NFX1: variants seen among roughly 807,000 people sequenced by gnomAD.
NFX1 encodes transcriptional repressor NF-X1.
In NFX1, 69 loss-of-function variants were observed where a neutral mutation model predicts 137.2. The ratio of observed to expected loss-of-function variants is 0.50; its 90% CI spans 0.41 to 0.61. The LOEUF is 0.61. NFX1 is among the 20% of genes least tolerant of loss of function. The pLI is 0.00. For missense variants in NFX1, 1,167 were observed against 1,391.0 expected (o/e 0.84, Z 2.56); for synonymous variants, 495 against 474.1 (o/e 1.04, Z -0.57).
At chr9:33,342,717 T>A in intron 12 of NFX1, 29 bp from the exon 13 acceptor site, 1 of 1,480,686 alleles carries the variant, frequency 6.8e-7, no homozygotes. Flanking sequence ...AAGACCATTT[T>A]ATGAACAAAT....
Position 33,367,628 on chromosome 9 carries a change from C to A in NFX1, c.3290+9C>A. ...AGACATCAGTCAGACAAGTAAGATT[C>A]TCCAGCTGCTTTCCAAGGGGACCTG... is the stretch of plus-strand genomic sequence containing the variant. On this transcript the variant is annotated intron_variant, in intron 23 of 23. Coordinates refer to ENST00000379540, the MANE Select transcript of NFX1 (RefSeq NM_002504.6). The A allele has an allele frequency of 6.2e-7, 1 of 1,612,570 alleles. No individual in the cohort carries two copies. Among genetic ancestry groups the A allele is most frequent in the South Asian group, 1.1e-5 (1 of 90,980 alleles).
At chr9:33,295,707 G>A (rs1281182468) in intron 2 of NFX1, among the ~76,000 whole-genome samples, 2 of 152,130 alleles carry the variant, frequency 1.3e-5, no homozygotes, top group Non-Finnish European at 1.5e-5. Flanking sequence ...ATGCAAATAC[G>A]GGTGGTGTAG....
intron 2 of NFX1, among the ~76,000 whole-genome samples, chr9:33,297,165 T>C (rs1299944184): frequency 6.6e-6 from 1 of 152,216 alleles, no homozygotes; most frequent in Non-Finnish European, 1.5e-5. Flanking sequence ...CGAAGACATC[T>C]ATCATTTTGC....
intron 19 of NFX1, among the ~76,000 whole-genome samples, chr9:33,355,467 G>T (rs1028519520): frequency 6.6e-6 from 1 of 151,950 alleles, no homozygotes; most frequent in Non-Finnish European, 1.5e-5. Flanking sequence ...TTTTTGTCTG[G>T]CTTCTTTCGT....
chr9:33,327,251 C>T (rs1485992860), intron 9 of NFX1, among the ~76,000 whole-genome samples: 1 of 152,194 alleles, frequency 6.6e-6, no homozygotes, highest in Non-Finnish European at 1.5e-5. Flanking sequence ...TCCCGAACTC[C>T]TAGGCTCAAG....
chr9:33,334,087 G>C (rs138759567), intron 11 of NFX1, among the ~76,000 whole-genome samples: 4 of 152,198 alleles, frequency 2.6e-5, no homozygotes, highest in Non-Finnish European at 5.9e-5. Flanking sequence ...AGAGGTTGCA[G>C]TGAACTGAGA....
intron 4 of NFX1, among the ~76,000 whole-genome samples, chr9:33,305,722 CT>C (rs1821728971): frequency 6.6e-6 from 1 of 152,152 alleles, no homozygotes; most frequent in East Asian, 1.9e-4. Context: ...AAGTTTCATG[CT>C]TTTGGAAATG....
At chr9:33,317,332 T>C (rs1200662211) in intron 7 of NFX1, among the ~76,000 whole-genome samples, 1 of 150,824 alleles carries the variant, frequency 6.6e-6, no homozygotes, top group African/African-American at 2.4e-5. Flanking sequence ...AGTGAGAACA[T>C]TGCTTGAGCC....
At chr9:33,301,838 A>G (rs1280029661) in intron 3 of NFX1, among the ~76,000 whole-genome samples, 2 of 152,220 alleles carry the variant, frequency 1.3e-5, no homozygotes, top group Non-Finnish European at 2.9e-5. Context: ...TTGGGAGGCC[A>G]AGGCAGGCGG....
intron 19 of NFX1, among the ~76,000 whole-genome samples, chr9:33,356,172 T>G (rs1587874261): frequency 1.3e-5 from 2 of 152,348 alleles, no homozygotes; most frequent in Middle Eastern, 3.4e-3. Context: ...TTAGCCATTT[T>G]GTAGATGTGT....
In NFX1 at chr9:33,363,263, G is replaced by GTATTATTATTAT. The variant is rs60988084; in HGVS notation, c.2874-721_2874-710dup. ...AATAAAAATAAAATAATAAAGAAAT[G>GTATTATTATTAT]TATTATTATTATTATTATTATTATT... is the stretch of plus-strand genomic sequence containing the variant. On this transcript the variant is annotated intron_variant, in intron 19 of 23. Transcript: ENST00000379540. Among the ~76,000 whole-genome samples the GTATTATTATTAT allele has an allele frequency of 4.3e-3, 629 of 144,820 alleles. 5 individuals are homozygous for GTATTATTATTAT. Among genetic ancestry groups the GTATTATTATTAT allele is most frequent in the East Asian group, 0.017 (87 of 4,988 alleles).
intron 14 of NFX1, among the ~76,000 whole-genome samples, chr9:33,345,054 C>T (rs777041406): frequency 6.6e-6 from 1 of 151,676 alleles, no homozygotes; most frequent in Non-Finnish European, 1.5e-5. Context: ...CTCAGCTACT[C>T]AGGAGGCTGA....
intron 5 of NFX1, among the ~76,000 whole-genome samples, chr9:33,308,935 C>T (rs886951214): frequency 6.6e-6 from 1 of 152,136 alleles, no homozygotes; most frequent in Non-Finnish European, 1.5e-5. Flanking sequence ...CTGGGCTAGA[C>T]AGCATGGCCT....
chr9:33,298,809 T>C (rs555778212), intron 2 of NFX1, among the ~76,000 whole-genome samples: 128 of 152,096 alleles, frequency 8.4e-4, no homozygotes, highest in Middle Eastern at 3.4e-3. Flanking sequence ...ATTAAGCTGC[T>C]GTGTGGAGAA....
intron 13 of NFX1, among the ~76,000 whole-genome samples, chr9:33,343,255 CT>C (rs1385242151): frequency 4.6e-5 from 7 of 152,050 alleles, no homozygotes; most frequent in Non-Finnish European, 8.8e-5. Context: ...TTGTATTTAT[CT>C]TTATCTACCA....
At chr9:33,362,923 C>T (rs1824046674) in intron 19 of NFX1, among the ~76,000 whole-genome samples, 2 of 151,760 alleles carry the variant, frequency 1.3e-5, no homozygotes, top group South Asian at 2.1e-4. Context: ...AGGCTGGTCT[C>T]GAGCTCCCAG....
chr9:33,337,449 T>G (rs901297728), intron 11 of NFX1, among the ~76,000 whole-genome samples: 4 of 152,222 alleles, frequency 2.6e-5, no homozygotes, highest in African/African-American at 7.2e-5. Context: ...CAGTCCCCCA[T>G]GGACTCCAAA....
In NFX1 at chr9:33,361,583, G is replaced by A. The variant is rs1049942152; in HGVS notation, c.2874-2427G>A. Among the ~76,000 whole-genome samples, 4 of 152,058 alleles carry A rather than the reference G, an allele frequency of 2.6e-5. No individual in the cohort carries two copies. The South Asian group carries it at 8.3e-4, about 32-fold the overall frequency. On this transcript the variant is annotated intron_variant, in intron 19 of 23. Transcript: ENST00000379540. The stretch of plus-strand genomic sequence containing the variant: ...AGGTCAGGAGTTCAAGACCAGCCTG[G>A]CCAACATGGTGAAACCCCATCTCTA...
chr9:33,293,428 C>A (rs542648316), intron 1 of NFX1, among the ~76,000 whole-genome samples: 1 of 152,282 alleles, frequency 6.6e-6, no homozygotes, highest in East Asian at 1.9e-4. Flanking sequence ...CCATTTTAAC[C>A]ATTTTGTGTG....
Sources: gnomAD v4.1 joint callset for allele counts (sites outside exome capture counted in the v4.1 genomes callset) on GRCh38, gnomAD v4.1.1 for gene constraint, MANE v1.5 for transcripts, NCBI Gene and HGNC (gene_info 2026-07-23, HGNC 2026-07-21) for gene names.